FGF13: variants seen among roughly 807,000 people sequenced by gnomAD.
FGF13 encodes the protein fibroblast growth factor homologous factor 2.
Under a neutral mutation model 19.5 loss-of-function variants are expected in FGF13, and 2 were observed. The ratio of observed to expected loss-of-function variants is 0.10; its 90% CI spans 0.04 to 0.32. The LOEUF (loss-of-function observed/expected upper bound fraction) is 0.32. Among genes scored for constraint, FGF13 ranks in the 10% least tolerant of loss-of-function variants. The pLI, the probability that FGF13 is intolerant of heterozygous loss-of-function variation, is 1.00. For synonymous variants in FGF13, 72 were observed against 76.9 expected (o/e 0.94, Z 0.33); for missense variants, 113 against 192.7 (o/e 0.59, Z 2.45).
Position 138,624,188 on chromosome X carries a change from T to C in FGF13, c.*8662A>G, listed in dbSNP as rs1467942062. 6.3e-5 allele frequency: 7 copies of C among 111,883 alleles called. No homozygotes were observed. The highest frequency in any genetic ancestry group is 9.4e-5 in the Non-Finnish European group (5 of 53,177). 9.2% of individuals were successfully genotyped at this position (111,883 alleles called of 1,213,427 possible). On this transcript the variant is annotated 3_prime_UTR_variant, in exon 5 of 5. Transcript: ENST00000315930. Reference sequence around the variant, plus strand: ...GATTTCAAATTATATTGTAAAGCTATAGTAATCAAAACAGTATGGTATTGG... The same window carrying C: ...GATTTCAAATTATATTGTAAAGCTACAGTAATCAAAACAGTATGGTATTGG...
intron 1 of FGF13, among the ~76,000 whole-genome samples, chrX:139,172,059 TATA>T (rs2084138010): frequency 8.9e-6 from 1 of 112,019 alleles, no homozygotes; most frequent in Admixed American, 9.5e-5. Flanking sequence ...CCTCAGTAAA[TATA>T]GTTGTTTAAA....
chrX:138,693,476 T>A (rs1334972879), intron 3 of FGF13, among the ~76,000 whole-genome samples: 1 of 111,839 alleles, frequency 8.9e-6, no homozygotes, highest in East Asian at 2.8e-4. Flanking sequence ...TAACTTTCTA[T>A]ATTTTCCATT....
rs867144700 is a variant in FGF13, at chrX:138,625,485, A to T, written c.*7365T>A. Reference sequence around the variant, plus strand: ...ATATATATATACATATATATATATAATATATATATATACATATATATATAT... The same window carrying T: ...ATATATATATACATATATATATATATTATATATATATACATATATATATAT... On this transcript the variant is annotated 3_prime_UTR_variant, in exon 5 of 5. Coordinates refer to ENST00000315930, the MANE Select transcript of FGF13 (RefSeq NM_004114.5). 5.7e-5 allele frequency: 5 copies of T among 87,087 alleles called. No individual in the cohort carries two copies. Among genetic ancestry groups the T allele is most frequent in the Non-Finnish European group, 8.4e-5 (4 of 47,509 alleles). The allele number at this position is 87,087 out of a possible 1,213,427, so 7.2% of individuals were successfully genotyped here.
intron 1 of FGF13, among the ~76,000 whole-genome samples, chrX:138,929,789 G>A (rs1194370226): frequency 4.6e-5 from 5 of 109,437 alleles, no homozygotes; most frequent in Admixed American, 9.8e-5. Flanking sequence ...TCCTTTCCCT[G>A]TATTACTCTA....
At chrX:139,203,733 G>A (rs1408124852), upstream of FGF13, among the ~76,000 whole-genome samples, 1 of 111,827 alleles carries the variant, frequency 8.9e-6, no homozygotes, top group African/African-American at 3.2e-5. Context: ...CAGGCGGCCG[G>A]CTGTCAGCAG....
chrX:138,801,422 C>T (rs984115895), intron 3 of FGF13, among the ~76,000 whole-genome samples: 3 of 111,983 alleles, frequency 2.7e-5, no homozygotes, highest in African/African-American at 9.7e-5. Context: ...GGCTGCAGAA[C>T]AGCAAAGATT....
chrX:139,191,291 C>T (rs1047350289), intron 1 of FGF13, among the ~76,000 whole-genome samples: 1 of 112,485 alleles, frequency 8.9e-6, no homozygotes, highest in Admixed American at 9.4e-5. Flanking sequence ...TCAGTTTTGT[C>T]ACTTGTTTGG....
At chrX:138,747,231 T>A (rs189543742) in intron 3 of FGF13, among the ~76,000 whole-genome samples, 6 of 111,732 alleles carry the variant, frequency 5.4e-5, no homozygotes, top group Non-Finnish European at 1.1e-4. Context: ...TGGGGGCCAA[T>A]GTGTAGGTGG....
At chrX:139,004,919 G>T (rs2092093936) in intron 1 of FGF13, among the ~76,000 whole-genome samples, 1 of 112,128 alleles carries the variant, frequency 8.9e-6, no homozygotes, top group South Asian at 3.7e-4. Flanking sequence ...ACACCAGGTA[G>T]ACTTCTAGAG....
downstream of FGF13, among the ~76,000 whole-genome samples, chrX:138,854,354 G>A (rs183257055): frequency 9.8e-4 from 110 of 111,711 alleles, no homozygotes; most frequent in African/African-American, 3.4e-3. Context: ...TTTGGCCTTC[G>A]TGTATCCTGA....
In FGF13 at chrX:138,625,513, T is replaced by C. The variant is rs916603928; in HGVS notation, c.*7337A>G. 2.2e-5 allele frequency: 2 copies of C among 90,726 alleles called. No individual in the cohort carries two copies. The highest frequency in any genetic ancestry group is 2.0e-5 in the Non-Finnish European group (1 of 49,908). The allele number at this position is 90,726 out of a possible 1,213,427, so 7.5% of individuals were successfully genotyped here. A position where few individuals can be genotyped will look rare whatever the true frequency, so the allele number is the denominator to read the frequency against. On this transcript the variant is annotated 3_prime_UTR_variant, in exon 5 of 5. Transcript: ENST00000315930. ...TATATATATACATATATATATATAATATAATATATATATATATCTTAGCCA... is the reference window on the plus strand; with the variant it reads ...TATATATATACATATATATATATAACATAATATATATATATATCTTAGCCA...
upstream of FGF13, among the ~76,000 whole-genome samples, chrX:138,739,563 T>G (rs2124301566): frequency 8.9e-6 from 1 of 111,768 alleles, no homozygotes; most frequent in Admixed American, 9.5e-5. Context: ...TTGCTTAAAC[T>G]TATTATTTCC....
intron 1 of FGF13, among the ~76,000 whole-genome samples, chrX:139,147,091 C>T (rs1391343563): frequency 9.2e-6 from 1 of 108,939 alleles, no homozygotes; most frequent in East Asian, 2.9e-4. Context: ...ACATTGTGCA[C>T]ATGTACCCTA....
intron 1 of FGF13, among the ~76,000 whole-genome samples, chrX:138,912,240 T>C (rs760570851): frequency 8.9e-6 from 1 of 111,933 alleles, no homozygotes; most frequent in Admixed American, 9.5e-5. Flanking sequence ...GAATACATGT[T>C]TTACCAGTGC....
chrX:138,946,276 C>A (rs1291451712), intron 1 of FGF13, among the ~76,000 whole-genome samples: 1 of 111,812 alleles, frequency 8.9e-6, no homozygotes, highest in Non-Finnish European at 1.9e-5. Flanking sequence ...GAAAGCACTG[C>A]GCATTGAATT....
intron 1 of FGF13, among the ~76,000 whole-genome samples, chrX:138,948,182 C>T (rs921957985): frequency 2.7e-5 from 3 of 111,728 alleles, no homozygotes; most frequent in African/African-American, 9.8e-5. Context: ...ACCTTCCCCA[C>T]GTTATCCAGG....
intron 3 of FGF13, among the ~76,000 whole-genome samples, chrX:138,830,964 G>A (rs1363164626): frequency 9.1e-6 from 1 of 110,405 alleles, no homozygotes; most frequent in Non-Finnish European, 1.9e-5. Flanking sequence ...TGGGTGAAGG[G>A]CTTAGGGCAT....
chrX:138,954,428 C>A (rs1011071042), intron 1 of FGF13, among the ~76,000 whole-genome samples: 2 of 111,604 alleles, frequency 1.8e-5, no homozygotes, highest in Admixed American at 1.9e-4. Context: ...CTAAAAAAAT[C>A]CCTTACCAGT....
intron 1 of FGF13, among the ~76,000 whole-genome samples, chrX:139,113,354 G>C (rs753070537): frequency 9.0e-6 from 1 of 111,561 alleles, no homozygotes; most frequent in African/African-American, 3.3e-5. Context: ...AAGGCTAGTA[G>C]ACTGTGAAGC....
Sources: gnomAD v4.1 joint callset for allele counts (sites outside exome capture counted in the v4.1 genomes callset) on GRCh38, gnomAD v4.1.1 for gene constraint, MANE v1.5 for transcripts, NCBI Gene and HGNC (gene_info 2026-07-23, HGNC 2026-07-21) for gene names.